SUN3: variants seen among roughly 807,000 people sequenced by gnomAD.
SUN3 encodes Sad1 and UNC84 domain containing 3.
SUN3 carries 36 observed loss-of-function variants against 48.2 expected under a neutral mutation model. The observed-to-expected ratio is 0.75, with a 90% CI of 0.57 to 0.99. The LOEUF (loss-of-function observed/expected upper bound fraction) is 0.99, where lower values mean the gene tolerates loss of function less well. SUN3 is among the 50% of genes least tolerant of loss of function. SUN3 has a pLI of 0.00. For missense variants in SUN3, 419 were observed against 433.1 expected, an observed-to-expected ratio of 0.97 and a Z score of 0.29; for synonymous variants, 148 against 147.9, an observed-to-expected ratio of 1.00 and a Z score of 0.00.
rs1381509246 is a variant in SUN3, at chr7:48,018,194, G to A, written c.185-829C>T. ...TGGCCTGGCTTAGTCTTGAAGGAGT[G>A]TCCCAGCTTAGAGCCAAGCTGCAAA... On this transcript the variant is annotated intron_variant, in intron 2 of 9. Coordinates refer to ENST00000297325, the MANE Select transcript of SUN3 (RefSeq NM_001030019.2). Among the ~76,000 whole-genome samples the A allele has an allele frequency of 5.3e-5, 8 of 152,236 alleles. No individual in the cohort carries two copies. The South Asian group carries it at 1.7e-3, about 32-fold the overall frequency.
At chr7:48,023,207 G>T (rs1790048535) in intron 2 of SUN3, among the ~76,000 whole-genome samples, 1 of 151,950 alleles carries the variant, frequency 6.6e-6, no homozygotes, top group Admixed American at 6.6e-5. Flanking sequence ...ATGTTTATGG[G>T]TACCCAATGT....
In SUN3 at chr7:48,007,253, G is replaced by A. The variant is rs769060684; in HGVS notation, c.404C>T (p.Ala135Val). The change falls in exon 5 of 10, where the codon GCA (alanine) becomes GTA (valine). Residue 135 changes from alanine to valine, a missense_variant. Transcript: ENST00000297325. ...ACCATCCTTCATATCTCTTAGCAAT[G>A]CCTTCAGGACATCTATTTGTTCGAT... ...FLIEQIDVLK[A>V]LLRDMKDGMD... The A allele has an allele frequency of 1.2e-6, 2 of 1,613,976 alleles. No homozygotes were observed. Among genetic ancestry groups the A allele is most frequent in the Non-Finnish European group, 1.7e-6 (2 of 1,179,956 alleles).
intron 2 of SUN3, among the ~76,000 whole-genome samples, chr7:48,023,469 C>T (rs546528613): frequency 6.6e-6 from 1 of 151,318 alleles, no homozygotes; most frequent in South Asian, 2.1e-4. Context: ...GAGTGCACTA[C>T]AACAAAGCAA....
At chr7:48,031,799 G>A (rs1790258923), upstream of SUN3, among the ~76,000 whole-genome samples, 1 of 150,318 alleles carries the variant, frequency 6.7e-6, no homozygotes, top group African/African-American at 2.5e-5. Flanking sequence ...AACAACCCAA[G>A]TGTTTATTGA....
rs1262362501 is a variant in SUN3 at position 48,025,706 on chromosome 7, C to T, written c.184+171G>A. Among the ~76,000 whole-genome samples the T allele has an allele frequency of 2.0e-5, 3 of 152,310 alleles. No individual in the cohort carries two copies. In the East Asian group the frequency reaches 5.8e-4, roughly 29 times the overall value. On this transcript the variant is annotated intron_variant, in intron 2 of 9. Coordinates refer to ENST00000297325, the MANE Select transcript of SUN3 (RefSeq NM_001030019.2). The stretch of plus-strand genomic sequence containing the variant: ...TTTCTATTAAAAAGCCAGTATTACT[C>T]TTACAATCAGAAATAAAAAACAAAC...
rs922795684 is a variant in SUN3, at chr7:48,012,461, A to G, written c.289-3386T>C. Among the ~76,000 whole-genome samples, 10 of 151,992 alleles carry G rather than the reference A, an allele frequency of 6.6e-5. No homozygotes were observed. In the East Asian group the frequency reaches 1.5e-3, roughly 23 times the overall value. On this transcript the variant is annotated intron_variant, in intron 3 of 9. Coordinates refer to ENST00000297325, the MANE Select transcript of SUN3 (RefSeq NM_001030019.2). ...TATGCCTTGGAACATGGCTCTAGTA[A>G]TTTGAACCAAGATAAATTCAATGAT...
At chr7:48,000,390 G>T (rs1005271740) in intron 6 of SUN3, among the ~76,000 whole-genome samples, 10 of 152,056 alleles carry the variant, frequency 6.6e-5, no homozygotes, top group African/African-American at 1.4e-4. Context: ...CACCCGCCTC[G>T]GCCTCCCAAA....
intron 9 of SUN3, 61 bp downstream of exon 9, chr7:47,988,727 A>G: frequency 9.6e-7 from 1 of 1,040,626 alleles, no homozygotes; most frequent in Non-Finnish European, 1.4e-6. Flanking sequence ...ACATGAAGCA[A>G]TCCCAACAAA....
chr7:47,996,300 A>G (rs548150242), intron 6 of SUN3, among the ~76,000 whole-genome samples, 154 bp from the exon 7 acceptor site: 2 of 152,336 alleles, frequency 1.3e-5, no homozygotes, highest in South Asian at 2.1e-4. Flanking sequence ...AAAGTATGAC[A>G]GTTTTCACTA....
At chr7:47,991,585 C>T (rs1789061330) in intron 8 of SUN3, among the ~76,000 whole-genome samples, 1 of 144,302 alleles carries the variant, frequency 6.9e-6, no homozygotes, top group African/African-American at 2.6e-5. Flanking sequence ...TGGGAGTAGA[C>T]AGTAAAACCA....
At chr7:48,021,046 A>G (rs1413432976) in intron 2 of SUN3, among the ~76,000 whole-genome samples, 1 of 152,194 alleles carries the variant, frequency 6.6e-6, no homozygotes, top group African/African-American at 2.4e-5. Context: ...GAGCTTAGTA[A>G]CCAAAACAGC....
At chr7:48,032,860 G>T (rs1236088195), upstream of SUN3, among the ~76,000 whole-genome samples, 2 of 152,192 alleles carry the variant, frequency 1.3e-5, no homozygotes, top group Non-Finnish European at 2.9e-5. Flanking sequence ...GATGTGTCCT[G>T]AAAGTTTAAA....
chr7:48,029,151 A>G (rs911939019), upstream of SUN3: 4 of 606,738 alleles, frequency 6.6e-6, no homozygotes, highest in Admixed American at 3.4e-5. Flanking sequence ...CATAATGCAG[A>G]TGGCCACCAC....
chr7:48,014,678 G>C (rs1307794285), intron 3 of SUN3, among the ~76,000 whole-genome samples: 3 of 152,172 alleles, frequency 2.0e-5, no homozygotes, highest in African/African-American at 7.2e-5. Context: ...CAATATTCAG[G>C]CACTAACAGA....
chr7:48,007,370 G>A (rs368481443), intron 4 of SUN3, 43 bp from the exon 5 acceptor site: 7 of 1,587,688 alleles, frequency 4.4e-6, no homozygotes, highest in Non-Finnish European at 6.0e-6. Context: ...AAAGTGTAAA[G>A]CTCCTGTTAT....
chr7:48,029,770 C>T (rs1230834852), upstream of SUN3, among the ~76,000 whole-genome samples: 1 of 152,130 alleles, frequency 6.6e-6, no homozygotes, highest in Non-Finnish European at 1.5e-5. Flanking sequence ...TTATTTGGGG[C>T]ATAAATTCTA....
intron 6 of SUN3, among the ~76,000 whole-genome samples, chr7:48,004,791 A>AGAAAT (rs1000600868): frequency 4.6e-5 from 7 of 152,272 alleles, no homozygotes; most frequent in African/African-American, 7.2e-5. Context: ...AGAAAAGAAA[A>AGAAAT]GAAAAAAGGA....
intron 5 of SUN3, among the ~76,000 whole-genome samples, chr7:48,006,269 C>A: frequency 6.6e-6 from 1 of 151,996 alleles, no homozygotes; most frequent in East Asian, 1.9e-4. Flanking sequence ...TAAATAAAGC[C>A]AAGGTGTGTT....
intron 4 of SUN3, 131 bp from the exon 5 acceptor site, chr7:48,007,458 G>A: frequency 1.3e-6 from 1 of 784,652 alleles, no homozygotes; most frequent in Non-Finnish European, 2.0e-6. Flanking sequence ...AGTGAGGGAA[G>A]AGCAGAGCAT....
Sources: allele counts gnomAD v4.1 joint callset (sites outside exome capture counted in the v4.1 genomes callset), GRCh38; gene constraint gnomAD v4.1.1; transcripts MANE v1.5; gene names NCBI Gene and HGNC (gene_info 2026-07-23, HGNC 2026-07-21).